The following FHIT variants were observed in gnomAD, a reference collection of about 807,000 sequenced individuals.
FHIT encodes the protein fragile histidine triad diadenosine triphosphatase, also known as bis(5'-adenosyl)-triphosphatase.
Under a neutral mutation model 17.9 loss-of-function variants are expected in FHIT, and 19 were observed. The ratio of observed to expected loss-of-function variants is 1.06; its 90% CI spans 0.74 to 1.56. The LOEUF is 1.56. FHIT is among the 40% of genes most tolerant of loss of function. The pLI is 0.00. For synonymous variants in FHIT, 81 were observed against 69.7 expected, an observed-to-expected ratio of 1.16 and a Z score of -0.81; for missense variants, 248 against 189.2, an observed-to-expected ratio of 1.31 and a Z score of -1.82.
chr3:60,156,282 A>G lies in FHIT; in HGVS notation c.104-142130T>C, dbSNP rs889678055. Reference sequence around the variant, plus strand: ...GGAGAGTTGCTTGAACCCGGGAGGCAGAGGTTGCAGTGAGCCGAGATTGTG... The same window carrying G: ...GGAGAGTTGCTTGAACCCGGGAGGCGGAGGTTGCAGTGAGCCGAGATTGTG... On this transcript the variant is annotated intron_variant, in intron 5 of 9. Coordinates refer to ENST00000492590, the MANE Select transcript of FHIT (RefSeq NM_002012.4). Among the ~76,000 whole-genome samples the G allele has an allele frequency of 1.3e-4, 20 of 151,268 alleles. 1 individual carries two copies. The highest frequency in any genetic ancestry group is 2.5e-4 in the Non-Finnish European group (17 of 67,812).
intron 2 of FHIT, among the ~76,000 whole-genome samples, chr3:61,110,440 C>G (rs1399907808): frequency 6.6e-6 from 1 of 152,144 alleles, no homozygotes; most frequent in Admixed American, 6.6e-5. Context: ...CACCTCCACC[C>G]TCTCCCTCTA....
At chr3:60,469,634 C>G (rs562864549) in intron 5 of FHIT, among the ~76,000 whole-genome samples, 1 of 152,282 alleles carries the variant, frequency 6.6e-6, no homozygotes, top group Admixed American at 6.5e-5. Flanking sequence ...ATATCTCTCT[C>G]TCTCTCCAGG....
At chr3:60,094,103 AAC>A (rs1475138059) in intron 5 of FHIT, among the ~76,000 whole-genome samples, 23 of 152,266 alleles carry the variant, frequency 1.5e-4, no homozygotes, top group African/African-American at 5.3e-4. Context: ...AAGATTAAAA[AAC>A]AGAGAGACAG....
chr3:60,373,485 G>A lies in FHIT; in HGVS notation c.103+163375C>T, dbSNP rs919927149. On this transcript the variant is annotated intron_variant, in intron 5 of 9. Coordinates refer to ENST00000492590, the MANE Select transcript of FHIT (RefSeq NM_002012.4). ...GAGAATAAGCAGAGCCACCATCATAGGAGCTCAGAGGCCATCTTAGGACAT... is the reference window on the plus strand; with the variant it reads ...GAGAATAAGCAGAGCCACCATCATAAGAGCTCAGAGGCCATCTTAGGACAT... 3.9e-5 allele frequency among the ~76,000 whole-genome samples: 6 copies of A among 152,170 alleles called. 1 individual carries two copies. Among genetic ancestry groups the A allele is most frequent in the Admixed American group, 3.3e-4 (5 of 15,268 alleles).
chr3:60,527,660 C>T (rs372366702), intron 5 of FHIT, among the ~76,000 whole-genome samples: 1 of 151,934 alleles, frequency 6.6e-6, no homozygotes. Flanking sequence ...ATGAAGCTTA[C>T]AATAAAATAA....
chr3:60,807,510 C>A (rs1228869695), intron 4 of FHIT, among the ~76,000 whole-genome samples: 6 of 152,116 alleles, frequency 3.9e-5, no homozygotes, highest in African/African-American at 1.4e-4. Flanking sequence ...GACGCCAGAG[C>A]CCGGGAGGTA....
At chr3:61,047,635 A>G (rs1175971888) in intron 2 of FHIT, among the ~76,000 whole-genome samples, 1 of 152,220 alleles carries the variant, frequency 6.6e-6, no homozygotes, top group East Asian at 1.9e-4. Context: ...AAACTACTTT[A>G]AAGTTCATAT....
intron 5 of FHIT, among the ~76,000 whole-genome samples, chr3:60,288,022 C>G (rs1243309561): frequency 6.6e-6 from 1 of 152,132 alleles, no homozygotes; most frequent in Admixed American, 6.5e-5. Flanking sequence ...GGTTCTGACT[C>G]AAGGTCTCTG....
intron 1 of FHIT, among the ~76,000 whole-genome samples, chr3:61,204,139 A>C (rs1411724351): frequency 6.6e-6 from 1 of 152,252 alleles, no homozygotes; most frequent in African/African-American, 2.4e-5. Context: ...CAAAAAGGCA[A>C]AAATAAATAC....
rs751621264 is a variant in FHIT at position 59,755,038 on chromosome 3, C to CACTT, written c.349-2721_349-2718dup. Among the ~76,000 whole-genome samples the CACTT allele has an allele frequency of 1.1e-4, 16 of 152,236 alleles. No homozygotes were observed. The South Asian group carries it at 2.9e-3, about 28-fold the overall frequency. On this transcript the variant is annotated intron_variant, in intron 8 of 9. Coordinates refer to ENST00000492590, the MANE Select transcript of FHIT (RefSeq NM_002012.4). ...AAACTTCTCAGCCAATTCTAAGGTG[C>CACTT]ACTTACTGTTGAGAATCACTGCTTT... is the stretch of plus-strand genomic sequence containing the variant.
chr3:59,814,045 T>TACACACACACACACACAC (rs144355020), intron 8 of FHIT, among the ~76,000 whole-genome samples: 167 of 146,862 alleles, frequency 1.1e-3, no homozygotes, highest in African/African-American at 2.9e-3. Context: ...AATTTACACA[T>TACACACACACACACACAC]ACACACACAC....
intron 5 of FHIT, among the ~76,000 whole-genome samples, chr3:60,055,683 A>G (rs1421235630): frequency 6.6e-6 from 1 of 152,190 alleles, no homozygotes; most frequent in Non-Finnish European, 1.5e-5. Flanking sequence ...AATCCTGGAA[A>G]CCAACATGTT....
At chr3:61,133,192 C>T (rs1553850320) in intron 2 of FHIT, among the ~76,000 whole-genome samples, 1 of 152,132 alleles carries the variant, frequency 6.6e-6, no homozygotes, top group Non-Finnish European at 1.5e-5. Context: ...ACTTTTCCTC[C>T]ACAGCATTGA....
chr3:59,937,131 C>A (rs112618416), intron 7 of FHIT, among the ~76,000 whole-genome samples: 3,130 of 152,288 alleles, frequency 0.021, 106 homozygotes, highest in African/African-American at 0.069. Context: ...AGGAAAATTA[C>A]TTACATAATT....
chr3:60,924,254 TG>T (rs1707454746), intron 3 of FHIT, among the ~76,000 whole-genome samples: 1 of 152,130 alleles, frequency 6.6e-6, no homozygotes, highest in Non-Finnish European at 1.5e-5. Flanking sequence ...ACGGACAAAA[TG>T]CCTCCTCAAG....
At chr3:60,568,589 C>T (rs1452417997) in intron 4 of FHIT, among the ~76,000 whole-genome samples, 1 of 151,764 alleles carries the variant, frequency 6.6e-6, no homozygotes, top group Non-Finnish European at 1.5e-5. Context: ...CACATGTACC[C>T]TGAAACTTAA....
At chr3:60,307,609 G>C (rs1708738123) in intron 5 of FHIT, among the ~76,000 whole-genome samples, 1 of 152,150 alleles carries the variant, frequency 6.6e-6, no homozygotes, top group African/African-American at 2.4e-5. Context: ...ATGTCTCACA[G>C]GTCATAAAAC....
At chr3:61,199,757 A>G (rs971260842) in intron 2 of FHIT, among the ~76,000 whole-genome samples, 43 of 51,074 alleles carry the variant, frequency 8.4e-4, no homozygotes, top group African/African-American at 2.2e-3. Flanking sequence ...AAAATGACAG[A>G]AAAAAACCCT....
At chr3:60,636,151 A>T (rs1254474606) in intron 4 of FHIT, among the ~76,000 whole-genome samples, 4 of 151,884 alleles carry the variant, frequency 2.6e-5, no homozygotes, top group Non-Finnish European at 4.4e-5. Context: ...GCTCACTGCA[A>T]CCTCCACCTC....
Sources: gnomAD v4.1 joint callset for allele counts (sites outside exome capture counted in the v4.1 genomes callset) on GRCh38, gnomAD v4.1.1 for gene constraint, MANE v1.5 for transcripts, NCBI Gene and HGNC (gene_info 2026-07-23, HGNC 2026-07-21) for gene names.